DLGAP5: variants seen among roughly 807,000 people sequenced by gnomAD.
DLGAP5 encodes the protein disks large-associated protein 5.
DLGAP5 carries 90 observed loss-of-function variants against 99.6 expected under a neutral mutation model. That is an observed-to-expected ratio of 0.90 (90% CI 0.76 to 1.08). The LOEUF is 1.08. Ranked by LOEUF, DLGAP5 falls within the 50% of genes least tolerant of loss-of-function variation. The probability of loss-of-function intolerance (pLI) is 0.00; values close to 1 mark genes in which losing one functional copy is unlikely to be tolerated. For missense variants in DLGAP5, 1,036 were observed against 983.5 expected, an observed-to-expected ratio of 1.05 and a Z score of -0.71; for synonymous variants, 311 against 321.3, an observed-to-expected ratio of 0.97 and a Z score of 0.34.
chr14:55,187,349 C>T (rs1160310053), intron 2 of DLGAP5, among the ~76,000 whole-genome samples: 12 of 135,826 alleles, frequency 8.8e-5, no homozygotes, highest in Non-Finnish European at 1.5e-4. Context: ...GATGGAGTCT[C>T]GCTCTGTTGC....
intron 18 of DLGAP5, chr14:55,148,822 T>G: frequency 2.8e-6 from 1 of 351,580 alleles, no homozygotes; most frequent in Non-Finnish European, 5.5e-6. Flanking sequence ...GAAAGGTATA[T>G]TCAGAATATA....
chr14:55,149,296 T>G (rs893976832), intron 18 of DLGAP5, among the ~76,000 whole-genome samples: 2 of 152,216 alleles, frequency 1.3e-5, no homozygotes, highest in Non-Finnish European at 1.5e-5. Context: ...TTTACATAAG[T>G]TGGCTTTATG....
At chr14:55,176,192 T>G (rs980667076) in intron 8 of DLGAP5, among the ~76,000 whole-genome samples, 174 bp from the exon 9 acceptor site, 3 of 152,208 alleles carry the variant, frequency 2.0e-5, no homozygotes, top group African/African-American at 7.2e-5. Flanking sequence ...TGAATGTCCA[T>G]TTTTACTAAT....
Position 55,162,960 on chromosome 14 carries a change from C to G in DLGAP5, c.1653+11G>C. The G allele has an allele frequency of 6.7e-7, 1 of 1,492,548 alleles. No individual in the cohort carries two copies. The highest frequency in any genetic ancestry group is 9.0e-7 in the Non-Finnish European group (1 of 1,111,318). 92.5% of individuals were successfully genotyped at this position (1,492,548 alleles called of 1,614,324 possible). The stretch of plus-strand genomic sequence containing the variant: ...AAAAAAAAAAATTGGATATAAAACC[C>G]ACAAACTTACCCTAAAGACATTTTT... On this transcript the variant is annotated intron_variant, in intron 13 of 18. Coordinates refer to ENST00000247191, the MANE Select transcript of DLGAP5 (RefSeq NM_014750.5).
rs763390695 is a variant in DLGAP5 at position 55,177,271 on chromosome 14, T to C, written c.840A>G (p.Gly280=). ...TTGATAAGACTCCATCTGGATTCAT[T>C]CCACTTGTTGCATTAGTTTGTGAAT... ...TLNSQTNATS[G]MNPDGVLSKM... Residue 280 remains glycine, a synonymous_variant, in exon 8 of 19, where the codon GGA becomes GGG. Coordinates refer to ENST00000247191, the MANE Select transcript of DLGAP5 (RefSeq NM_014750.5). The C allele has an allele frequency of 3.1e-6, 5 of 1,612,188 alleles. No individual in the cohort carries two copies. Among genetic ancestry groups the C allele is most frequent in the African/African-American group, 1.3e-5 (1 of 74,816 alleles).
At chr14:55,175,774 CAAACAAATCTGACAAGTAAT>C in intron 9 of DLGAP5, 100 bp downstream of exon 9, 2 of 925,126 alleles carry the variant, frequency 2.2e-6, no homozygotes, top group Non-Finnish European at 3.1e-6. Context: ...AAAAGAGCTC[CAAACAAATCTGACAAGTAAT>C]AATCCAGAAA....
chr14:55,180,620 T>C, intron 6 of DLGAP5, 36 bp downstream of exon 6: 2 of 1,612,640 alleles, frequency 1.2e-6, no homozygotes, highest in South Asian at 1.1e-5. Context: ...GGACCAAACA[T>C]TCTAGTTCAG....
intron 7 of DLGAP5, among the ~76,000 whole-genome samples, chr14:55,177,699 G>A (rs945301827): frequency 2.6e-5 from 4 of 151,534 alleles, no homozygotes; most frequent in East Asian, 4.0e-4. Flanking sequence ...CACCACGCCC[G>A]GCTAATTTTT....
intron 8 of DLGAP5, among the ~76,000 whole-genome samples, 197 bp from the exon 9 acceptor site, chr14:55,176,215 G>C (rs1393087727): frequency 6.6e-6 from 1 of 152,152 alleles, no homozygotes; most frequent in African/African-American, 2.4e-5. Context: ...ATTGTAATCA[G>C]ATTCAAAGAT....
intron 10 of DLGAP5, among the ~76,000 whole-genome samples, chr14:55,173,019 A>T (rs1452458039): frequency 2.0e-5 from 3 of 151,450 alleles, no homozygotes; most frequent in African/African-American, 7.3e-5. Flanking sequence ...AGATAGCAGA[A>T]ATGGTTTAGT....
Position 55,177,048 on chromosome 14 carries a change from G to T in DLGAP5, c.1049+14C>A. ...ATCTTAGCAAGAGACTTATTATTAA[G>T]ATCATATTCTTACACTTCTGTTTTT... On this transcript the variant is annotated intron_variant, in intron 8 of 18. Transcript: ENST00000247191. The T allele has an allele frequency of 2.6e-6, 3 of 1,135,154 alleles. No individual in the cohort carries two copies. Among genetic ancestry groups the T allele is most frequent in the Non-Finnish European group, 2.3e-6 (2 of 879,244 alleles). 70.3% of individuals were successfully genotyped at this position (1,135,154 alleles called of 1,614,324 possible).
intron 2 of DLGAP5, among the ~76,000 whole-genome samples, chr14:55,187,627 CTTTT>C (rs58942962): frequency 1.4e-5 from 2 of 145,278 alleles, no homozygotes; most frequent in Admixed American, 6.8e-5. Context: ...TGATCCTTTT[CTTTT>C]TTTTTTTTTT....
chr14:55,169,720 TACTA>T (rs1273820671), intron 11 of DLGAP5, among the ~76,000 whole-genome samples, 161 bp from the exon 12 acceptor site: 1 of 152,086 alleles, frequency 6.6e-6, no homozygotes, highest in African/African-American at 2.4e-5. Flanking sequence ...AAATACTGAG[TACTA>T]ACTATTTGCT....
At chr14:55,152,040 T>A (rs755154416) in intron 16 of DLGAP5, 99 bp from the exon 17 acceptor site, 2 of 1,150,230 alleles carry the variant, frequency 1.7e-6, no homozygotes, top group Non-Finnish European at 2.5e-6. Flanking sequence ...AACAGAAGGA[T>A]GACATCCCGG....
chr14:55,169,932 C>T (rs530475850), intron 11 of DLGAP5, among the ~76,000 whole-genome samples: 5 of 152,182 alleles, frequency 3.3e-5, no homozygotes, highest in Admixed American at 6.5e-5. Flanking sequence ...GTCAGGAGTT[C>T]GAGACCAGCC....
At chr14:55,168,282 T>C (rs1397381227) in intron 12 of DLGAP5, among the ~76,000 whole-genome samples, 2 of 152,186 alleles carry the variant, frequency 1.3e-5, no homozygotes, top group African/African-American at 4.8e-5. Flanking sequence ...ATTCTACCTA[T>C]TGTATCTTAC....
At position 55,179,645 on chromosome 14, in the gene DLGAP5, T is replaced by C. The variant is rs1254886623; in HGVS notation, c.758A>G (p.Glu253Gly). ...ATTCTCTACCTTGTCGGGTTTTGTT[T>C]CTACATTTTTGGCAGGTCTTCCTTT... ...PSKGRPAKNV[E>G]TKPDKGISCK... Residue 253 changes from glutamate to glycine, a missense_variant, in exon 7 of 19, where the codon GAA (glutamate) becomes GGA (glycine). By Grantham distance (98) the Glu-to-Gly change is moderately conservative. Coordinates refer to ENST00000247191, the MANE Select transcript of DLGAP5 (RefSeq NM_014750.5). 1.2e-6 allele frequency: 2 copies of C among 1,612,414 alleles called. No homozygotes were observed. The highest frequency in any genetic ancestry group is 1.1e-5 in the South Asian group (1 of 90,394).
Position 55,152,641 on chromosome 14 carries a change from G to A in DLGAP5, c.2070C>T (p.Ser690=), listed in dbSNP as rs1882058178. 1 of 1,597,840 alleles carries A rather than the reference G, an allele frequency of 6.3e-7. No homozygotes were observed. The highest frequency in any genetic ancestry group is 8.5e-7 in the Non-Finnish European group (1 of 1,173,624). Residue 690 remains serine (S), a synonymous_variant, in exon 16 of 19, where the codon AGC becomes AGT. Coordinates refer to ENST00000247191, the MANE Select transcript of DLGAP5 (RefSeq NM_014750.5). The part of the protein sequence containing the change: ...LFLSIPESRS[S]IEDAQCPGLP... ...ATCCAGGACACTGAGCATCTTCTAT[G>A]CTGCTCCTAAAGAAGAAAAAAAGCA...
Position 55,177,079 on chromosome 14 carries a change from A to G in DLGAP5, c.1032T>C (p.Thr344=). 1 of 1,457,894 alleles carries G rather than the reference A, an allele frequency of 6.9e-7. No homozygotes were observed. The highest frequency in any genetic ancestry group is 9.0e-7 in the Non-Finnish European group (1 of 1,106,652). The allele number at this position is 1,457,894 out of a possible 1,614,324, so 90.3% of individuals were successfully genotyped here. The part of the protein sequence containing the change: ...NAFLTPSYTW[T]PLKTEVDESQ... ...ATTCTTACACTTCTGTTTTTAAAGG[A>G]GTCCAGGTGTAACTGGGTGTCAAAA... Residue 344 remains threonine (T), a synonymous_variant, in exon 8 of 19, where the codon ACT becomes ACC. Transcript: ENST00000247191.
Sources: gnomAD v4.1 joint callset for allele counts (sites outside exome capture counted in the v4.1 genomes callset) on GRCh38, gnomAD v4.1.1 for gene constraint, MANE v1.5 for transcripts, NCBI Gene and HGNC (gene_info 2026-07-23, HGNC 2026-07-21) for gene names.